Variants in MEOX1 observed in about 807,000 individuals in gnomAD.
MEOX1 encodes mesenchyme homeobox 1.
A neutral mutation model predicts 23.2 loss-of-function variants in MEOX1; 17 were observed. The observed-to-expected ratio is 0.73, with a 90% CI of 0.50 to 1.10. The LOEUF (loss-of-function observed/expected upper bound fraction) is 1.10, where lower values mean the gene tolerates loss of function less well. Among genes scored for constraint, MEOX1 ranks in the 50% least tolerant of loss-of-function variants. MEOX1 has a pLI of 0.00. For missense variants in MEOX1, 333 were observed against 332.2 expected (o/e 1.00, Z -0.02); for synonymous variants, 134 against 135.1 (o/e 0.99, Z 0.06).
chr17:43,650,964 C>G (rs1972903854), intron 1 of MEOX1, among the ~76,000 whole-genome samples: 1 of 152,168 alleles, frequency 6.6e-6, no homozygotes, highest in Non-Finnish European at 1.5e-5. Flanking sequence ...CCCAGCCTCT[C>G]TGGGGCCAGG....
chr17:43,649,219 C>A (rs1972866624), intron 1 of MEOX1, among the ~76,000 whole-genome samples: 1 of 150,510 alleles, frequency 6.6e-6, no homozygotes, highest in Non-Finnish European at 1.5e-5. Flanking sequence ...AGTTAGAGCA[C>A]TATGCTCCTT....
intron 1 of MEOX1, among the ~76,000 whole-genome samples, chr17:43,644,421 G>A (rs529363631): frequency 3.9e-5 from 6 of 152,320 alleles, no homozygotes; most frequent in African/African-American, 1.4e-4. Context: ...AGGGTCAGGG[G>A]ACACACTCTG....
chr17:43,645,908 G>T (rs1036260287), intron 1 of MEOX1, among the ~76,000 whole-genome samples: 2 of 152,232 alleles, frequency 1.3e-5, no homozygotes, highest in East Asian at 3.9e-4. Context: ...AGCAGGAGGC[G>T]CACGGTAAAG....
In MEOX1 at chr17:43,661,528, G is replaced by T. The variant is rs867950635; in HGVS notation, c.7C>A (p.Pro3Thr). The T allele has an allele frequency of 1.3e-6, 2 of 1,561,074 alleles. No homozygotes were observed. Among genetic ancestry groups the T allele is most frequent in the Non-Finnish European group, 1.7e-6 (2 of 1,153,944 alleles). MD[P>T]AASSCMRSLQ... ...CTCCTCATGCAGCTGCTGGCCGCGG[G>T]ATCCATCTGCTGTCCGCTGCACGCC... Residue 3 changes from proline to threonine, a missense_variant, in exon 1 of 3, where the codon CCC becomes ACC. Physicochemically the swap from Pro to Thr is conservative, Grantham distance 38. Transcript: ENST00000318579.
At position 43,661,133 on chromosome 17, in the gene MEOX1, G is replaced by A. The variant is rs1328447611; in HGVS notation, c.402C>T (p.Tyr134=). The part of the protein sequence containing the change: ...VDTTGGPGDD[Y]GVLGSTANET... Reference sequence around the variant, plus strand: ...CATTGGCAGTGCTCCCAAGCACCCCGTAGTCATCGCCTGGGCCTCCTGTGG... The same window carrying A: ...CATTGGCAGTGCTCCCAAGCACCCCATAGTCATCGCCTGGGCCTCCTGTGG... The change falls in exon 1 of 3, where the codon TAC becomes TAT. Residue 134 remains tyrosine, a synonymous_variant. Transcript: ENST00000318579. 27 of 1,539,830 alleles carry A rather than the reference G, an allele frequency of 1.8e-5. No homozygotes were observed. Among genetic ancestry groups the A allele is most frequent in the Non-Finnish European group, 1.8e-5 (21 of 1,146,470 alleles).
chr17:43,661,296 A>T lies in MEOX1; in HGVS notation c.239T>A (p.Ile80Asn). The change falls in exon 1 of 3, where the codon ATC becomes AAC. Residue 80 changes from isoleucine to asparagine, a missense_variant. By Grantham distance (149) the Ile-to-Asn change is moderately radical (BLOSUM62 -3). Transcript: ENST00000318579. ...TPHSLPQEEH[I>N]FTEQHPAFPQ... Reference sequence around the variant, plus strand: ...GAAAGCGGGGTGCTGCTCAGTGAAGATGTGCTCCTCCTGGGGCAGGCTGTG... The same window carrying T: ...GAAAGCGGGGTGCTGCTCAGTGAAGTTGTGCTCCTCCTGGGGCAGGCTGTG... The T allele has an allele frequency of 6.2e-7, 1 of 1,611,560 alleles. No individual in the cohort carries two copies. The highest frequency in any genetic ancestry group is 8.5e-7 in the Non-Finnish European group (1 of 1,178,634).
At chr17:43,655,297 C>T (rs1972993231) in intron 1 of MEOX1, among the ~76,000 whole-genome samples, 1 of 151,214 alleles carries the variant, frequency 6.6e-6, no homozygotes, top group Non-Finnish European at 1.5e-5. Flanking sequence ...ATGGTGAAAC[C>T]CCGTCTCTAT....
intron 1 of MEOX1, among the ~76,000 whole-genome samples, chr17:43,647,116 A>G (rs754846840): frequency 6.6e-6 from 1 of 152,246 alleles, no homozygotes; most frequent in Non-Finnish European, 1.5e-5. Context: ...GCCCAGAGGC[A>G]TCTGCGGCTT....
chr17:43,646,134 G>A (rs1205123905), intron 1 of MEOX1, among the ~76,000 whole-genome samples: 2 of 152,178 alleles, frequency 1.3e-5, no homozygotes, highest in African/African-American at 4.8e-5. Flanking sequence ...AGCAGGGCAG[G>A]GGGCCGAGTT....
chr17:43,658,606 G>A (rs1298733898), intron 1 of MEOX1, among the ~76,000 whole-genome samples: 3 of 152,018 alleles, frequency 2.0e-5, no homozygotes, highest in Admixed American at 1.3e-4. Flanking sequence ...TTGGAGAGGG[G>A]ATCCAATTAT....
At position 43,643,528 on chromosome 17, in the gene MEOX1, C is replaced by A; in HGVS notation, c.602G>T (p.Arg201Ile). The change falls in exon 2 of 3, where the codon AGA (arginine) becomes ATA (isoleucine). Residue 201 changes from arginine (R) to isoleucine (I), a missense_variant. Transcript: ENST00000318579. The part of the protein sequence containing the change: ...AHHNYLTRLR[R>I]YEIAVNLDLS... ...GTCCAGGTTTACCGCAATCTCATAT[C>A]TGCGGAGCCGAGTCAGGTAGTTATG... 1 of 1,606,500 alleles carries A rather than the reference C, an allele frequency of 6.2e-7. No individual in the cohort carries two copies. Among genetic ancestry groups the A allele is most frequent in the South Asian group, 1.1e-5 (1 of 89,230 alleles).
At chr17:43,643,386 T>A in intron 2 of MEOX1, 102 bp downstream of exon 2, 1 of 1,124,940 alleles carries the variant, frequency 8.9e-7, no homozygotes. Flanking sequence ...CTGGACTGGC[T>A]GGAGGAAGAA....
chr17:43,655,520 T>C (rs1972999403), intron 1 of MEOX1, among the ~76,000 whole-genome samples: 1 of 150,776 alleles, frequency 6.6e-6, no homozygotes, highest in Non-Finnish European at 1.5e-5. Context: ...CAATGGAATG[T>C]TATTGTCTTC....
Position 43,643,678 on chromosome 17 carries a change from C to T in MEOX1, c.470-18G>A. ...CTGGTTGTCTGGGGAGAGAGGACCC[C>T]AAACAGGAAGACATGGGCTGAGGGA... On this transcript the variant is annotated intron_variant, in intron 1 of 2. Coordinates refer to ENST00000318579, the MANE Select transcript of MEOX1 (RefSeq NM_004527.4). The T allele has an allele frequency of 6.2e-7, 1 of 1,608,560 alleles. No individual in the cohort carries two copies. Among genetic ancestry groups the T allele is most frequent in the Non-Finnish European group, 8.5e-7 (1 of 1,177,426 alleles).
chr17:43,659,240 C>T (rs1598268872), intron 1 of MEOX1, among the ~76,000 whole-genome samples: 2 of 152,158 alleles, frequency 1.3e-5, no homozygotes, highest in South Asian at 2.1e-4. Context: ...TGCTGCGTGC[C>T]GCCACCAAGG....
chr17:43,661,125 A>G lies in MEOX1; in HGVS notation c.410T>C (p.Leu137Pro). The stretch of plus-strand genomic sequence containing the variant: ...CTCTGTCTCATTGGCAGTGCTCCCA[A>G]GCACCCCGTAGTCATCGCCTGGGCC... ...TGGPGDDYGV[L>P]GSTANETEKK... The change falls in exon 1 of 3, where the codon CTT becomes CCT. Residue 137 changes from leucine (L) to proline (P), a missense_variant. Leu to Pro is a moderately conservative substitution (Grantham distance 98). Transcript: ENST00000318579. 1 of 1,515,450 alleles carries G rather than the reference A, an allele frequency of 6.6e-7. No homozygotes were observed. Among genetic ancestry groups the G allele is most frequent in the Admixed American group, 2.3e-5 (1 of 43,990 alleles). 93.9% of individuals were successfully genotyped at this position (1,515,450 alleles called of 1,614,324 possible).
chr17:43,652,677 A>G (rs1425112821), intron 1 of MEOX1, among the ~76,000 whole-genome samples: 1 of 151,996 alleles, frequency 6.6e-6, no homozygotes, highest in Non-Finnish European at 1.5e-5. Flanking sequence ...TTAGTCTCTG[A>G]CCACCCTTCC....
intron 1 of MEOX1, among the ~76,000 whole-genome samples, chr17:43,645,964 C>T (rs1972802843): frequency 6.6e-6 from 1 of 152,196 alleles, no homozygotes; most frequent in South Asian, 2.1e-4. Flanking sequence ...CCGTGGCCTC[C>T]GCCGGGGGAT....
chr17:43,661,294 A>AGATGTGCTCCTC lies in MEOX1; in HGVS notation c.229_240dup (p.Glu77_Ile80dup), dbSNP rs779157853. The AGATGTGCTCCTC allele has an allele frequency of 6.2e-7, 1 of 1,611,608 alleles. No individual in the cohort carries two copies. The highest frequency in any genetic ancestry group is 8.5e-7 in the Non-Finnish European group (1 of 1,178,576). On this transcript the variant is annotated inframe_insertion, in exon 1 of 3. Coordinates refer to ENST00000318579, the MANE Select transcript of MEOX1 (RefSeq NM_004527.4). ...GGGAAAGCGGGGTGCTGCTCAGTGAAGATGTGCTCCTCCTGGGGCAGGCTG... is the reference window on the plus strand; with the variant it reads ...GGGAAAGCGGGGTGCTGCTCAGTGAAGATGTGCTCCTCGATGTGCTCCTCCTGGGGCAGGCTG...
Sources: gnomAD v4.1 joint callset for allele counts (sites outside exome capture counted in the v4.1 genomes callset) on GRCh38, gnomAD v4.1.1 for gene constraint, MANE v1.5 for transcripts, NCBI Gene and HGNC (gene_info 2026-07-23, HGNC 2026-07-21) for gene names.